The following LIMCH1 variants were observed in gnomAD, a reference collection of about 807,000 sequenced individuals.
LIMCH1 encodes LIM and calponin homology domains-containing protein 1.
In LIMCH1, 113 loss-of-function variants were observed where a neutral mutation model predicts 176.5. The observed-to-expected ratio is 0.64, with a 90% CI of 0.55 to 0.75. The LOEUF is 0.75. Ranked by LOEUF, LIMCH1 falls within the 30% of genes least tolerant of loss-of-function variation. LIMCH1 has a pLI of 0.00. For synonymous variants in LIMCH1, 619 were observed against 645.9 expected (o/e 0.96, Z 0.63); for missense variants, 1,674 against 1,814.9 (o/e 0.92, Z 1.41).
intron 1 of LIMCH1, among the ~76,000 whole-genome samples, chr4:41,549,455 T>G (rs1010123977): frequency 2.0e-5 from 3 of 152,342 alleles, no homozygotes; most frequent in African/African-American, 7.2e-5. Flanking sequence ...GGCTGATGCC[T>G]TGCCCTTGCC....
At chr4:41,469,010 T>C (rs1386825701) in intron 1 of LIMCH1, among the ~76,000 whole-genome samples, 2 of 152,168 alleles carry the variant, frequency 1.3e-5, no homozygotes, top group Admixed American at 1.3e-4. Flanking sequence ...TTGTCATGAG[T>C]TCACTCCAAC....
chr4:41,464,153 C>T (rs1332487614), intron 1 of LIMCH1, among the ~76,000 whole-genome samples: 1 of 151,600 alleles, frequency 6.6e-6, no homozygotes, highest in Non-Finnish European at 1.5e-5. Flanking sequence ...GTCCCACCCA[C>T]ATCTCTAGCC....
At chr4:41,397,056 C>A (rs75093686) in intron 1 of LIMCH1, among the ~76,000 whole-genome samples, 1 of 152,202 alleles carries the variant, frequency 6.6e-6, no homozygotes, top group Non-Finnish European at 1.5e-5. Context: ...CTAAGCCACT[C>A]ATGGCATTCC....
intron 1 of LIMCH1, among the ~76,000 whole-genome samples, chr4:41,479,788 G>A (rs1582877335): frequency 6.6e-6 from 1 of 152,152 alleles, no homozygotes; most frequent in South Asian, 2.1e-4. Context: ...CTTATACAAT[G>A]TGTCATTTTT....
At chr4:41,539,620 G>A (rs927713609) in intron 1 of LIMCH1, among the ~76,000 whole-genome samples, 7 of 152,176 alleles carry the variant, frequency 4.6e-5, no homozygotes, top group African/African-American at 1.7e-4. Context: ...TCCTAACACC[G>A]TTGTATTCAT....
intron 1 of LIMCH1, among the ~76,000 whole-genome samples, chr4:41,446,598 T>C (rs937499384): frequency 3.3e-5 from 5 of 152,220 alleles, no homozygotes; most frequent in Admixed American, 3.3e-4. Context: ...AATGGATAGA[T>C]GTGCTGAGTA....
At chr4:41,454,940 A>ATGTG (rs761501125) in intron 1 of LIMCH1, among the ~76,000 whole-genome samples, 5,527 of 131,152 alleles carry the variant, frequency 0.042, 94 homozygotes, top group African/African-American at 0.079. Flanking sequence ...GTATGCGTAC[A>ATGTG]TGTGTGTGTG....
In LIMCH1 at chr4:41,413,877, T is replaced by A. The variant is rs532427476; in HGVS notation, c.96+52941T>A. 1.4e-4 allele frequency among the ~76,000 whole-genome samples: 21 copies of A among 152,080 alleles called. No individual in the cohort carries two copies. The East Asian group carries it at 3.9e-3, about 28-fold the overall frequency. The stretch of plus-strand genomic sequence containing the variant: ...CCTGTGGTTTATAAAAAGGAAGTGG[T>A]TGAGGGAGAAGATTAATGACTGAGG... On this transcript the variant is annotated intron_variant, in intron 1 of 26. Coordinates refer to the LIMCH1 transcript ENST00000313860.
At chr4:41,614,979 C>G (rs138968111) in intron 5 of LIMCH1, among the ~76,000 whole-genome samples, 54 of 152,268 alleles carry the variant, frequency 3.5e-4, no homozygotes, top group Middle Eastern at 6.8e-3. Flanking sequence ...CTTAAACTTT[C>G]CAGCAAATAG....
intron 1 of LIMCH1, among the ~76,000 whole-genome samples, chr4:41,433,051 G>C (rs539931651): frequency 6.6e-6 from 1 of 152,344 alleles, no homozygotes; most frequent in East Asian, 1.9e-4. Context: ...CAAGACAGTG[G>C]TCCAGTGACT....
intron 1 of LIMCH1, among the ~76,000 whole-genome samples, chr4:41,413,607 G>A (rs2059680478): frequency 6.6e-6 from 1 of 151,634 alleles, no homozygotes; most frequent in Non-Finnish European, 1.5e-5. Flanking sequence ...CAGTGTCCTG[G>A]GATAATAGAT....
intron 1 of LIMCH1, among the ~76,000 whole-genome samples, chr4:41,429,454 T>C (rs569996230): frequency 2.6e-5 from 4 of 152,314 alleles, no homozygotes; most frequent in African/African-American, 7.2e-5. Context: ...TGAGTATCTT[T>C]GAGAGGTGCT....
intron 18 of LIMCH1, among the ~76,000 whole-genome samples, chr4:41,653,581 C>T (rs1029006248): frequency 1.3e-5 from 2 of 152,232 alleles, no homozygotes; most frequent in Non-Finnish European, 2.9e-5. Context: ...GCTTCACCCA[C>T]CACTAAAATG....
chr4:41,542,359 TC>T (rs2078779379), intron 1 of LIMCH1, among the ~76,000 whole-genome samples: 1 of 123,994 alleles, frequency 8.1e-6, no homozygotes, highest in African/African-American at 4.3e-5. Context: ...TCTCTTTCTT[TC>T]TTTTCTTTTT....
At chr4:41,417,144 T>C (rs374707222) in intron 1 of LIMCH1, among the ~76,000 whole-genome samples, 2 of 151,190 alleles carry the variant, frequency 1.3e-5, no homozygotes. Flanking sequence ...TGTGAGGGGT[T>C]ATCTATGCTA....
At chr4:41,695,036 G>A (rs1380640639) in intron 31 of LIMCH1, among the ~76,000 whole-genome samples, 3 of 151,800 alleles carry the variant, frequency 2.0e-5, no homozygotes, top group Non-Finnish European at 4.4e-5. Context: ...TTCCTTTTCT[G>A]TAAAGTGCTT....
intron 1 of LIMCH1, among the ~76,000 whole-genome samples, chr4:41,546,014 T>TCA (rs2079331900): frequency 6.6e-6 from 1 of 152,158 alleles, no homozygotes; most frequent in Non-Finnish European, 1.5e-5. Flanking sequence ...TCATCAAGAT[T>TCA]TCCCAGGCTC....
Position 41,532,039 on chromosome 4 carries a change from G to A in LIMCH1, c.237+7561G>A, listed in dbSNP as rs779497297. Among the ~76,000 whole-genome samples the A allele has an allele frequency of 4.6e-5, 7 of 152,106 alleles. No individual in the cohort carries two copies. In the South Asian group the frequency reaches 6.2e-4, roughly 14 times the overall value. On this transcript the variant is annotated intron_variant, in intron 3 of 26. Coordinates refer to the LIMCH1 transcript ENST00000313860. ...GCACAGTATGAGAAACCTCGGTTGCGTTCCCACACCACACACAGAGGGAAT... is the reference window on the plus strand; with the variant it reads ...GCACAGTATGAGAAACCTCGGTTGCATTCCCACACCACACACAGAGGGAAT...
chr4:41,445,730 T>C (rs1582305548), intron 1 of LIMCH1, among the ~76,000 whole-genome samples: 1 of 152,342 alleles, frequency 6.6e-6, no homozygotes, highest in African/African-American at 2.4e-5. Context: ...AATTTTGCAC[T>C]GATGGCCTGA....
Sources: gnomAD v4.1 joint callset for allele counts (sites outside exome capture counted in the v4.1 genomes callset) on GRCh38, gnomAD v4.1.1 for gene constraint, MANE v1.5 for transcripts, NCBI Gene and HGNC (gene_info 2026-07-23, HGNC 2026-07-21) for gene names.